The following RBM25 variants were observed in gnomAD, a reference collection of about 807,000 sequenced individuals.
RBM25 encodes RNA binding motif protein 25.
A neutral mutation model predicts 120.7 loss-of-function variants in RBM25; 19 were observed. The observed-to-expected ratio is 0.16, with a 90% confidence interval of 0.11 to 0.23. The LOEUF (loss-of-function observed/expected upper bound fraction) is 0.23. Among genes scored for constraint, RBM25 ranks in the 10% least tolerant of loss-of-function variants. RBM25 has a pLI of 1.00. For synonymous variants in RBM25, 390 were observed against 326.7 expected, an observed-to-expected ratio of 1.19 and a Z score of -2.09; for missense variants, 605 against 1,041.5, an observed-to-expected ratio of 0.58 and a Z score of 5.77.
Position 73,097,002 on chromosome 14 carries a change from A to G in RBM25, c.631A>G (p.Ile211Val), listed in dbSNP as rs779169270. The G allele has an allele frequency of 6.2e-6, 10 of 1,613,868 alleles. No homozygotes were observed. In the South Asian group the frequency reaches 6.6e-5, roughly 11 times the overall value. Reference sequence around the variant, plus strand: ...GAGAGATCAGATGATTAAAGGGGCTATTGAAGTTTTAATTCGTGAATACTC... The same window carrying G: ...GAGAGATCAGATGATTAAAGGGGCTGTTGAAGTTTTAATTCGTGAATACTC... Reference protein sequence around the residue: ...KRRDQMIKGAIEVLIREYSSE... With the variant: ...KRRDQMIKGAVEVLIREYSSE... The change falls in exon 7 of 19, where the codon ATT becomes GTT. Residue 211 changes from isoleucine (I) to valine (V), a missense_variant. Physicochemically the swap from Ile to Val is conservative, Grantham distance 29 (BLOSUM62 3). Coordinates refer to ENST00000261973, the MANE Select transcript of RBM25 (RefSeq NM_021239.3).
chr14:73,099,600 C>A, intron 8 of RBM25, 67 bp from the exon 9 acceptor site: 1 of 1,584,820 alleles, frequency 6.3e-7, no homozygotes, highest in Non-Finnish European at 8.5e-7. Context: ...GAATATCTAA[C>A]CTTTAACTGT....
intron 18 of RBM25, among the ~76,000 whole-genome samples, 165 bp downstream of exon 18, chr14:73,114,498 A>C (rs1387216639): frequency 6.6e-6 from 1 of 152,184 alleles, no homozygotes; most frequent in Non-Finnish European, 1.5e-5. Context: ...TTGAGATTAC[A>C]GGCATCAGCC....
intron 2 of RBM25, among the ~76,000 whole-genome samples, chr14:73,072,369 TA>T (rs1164090397): frequency 3.3e-5 from 5 of 152,142 alleles, no homozygotes; most frequent in Admixed American, 1.3e-4. Context: ...TTTCTTCATA[TA>T]CTCCCATAAC....
rs897685550 is a variant in RBM25, at chr14:73,120,093, TTTG to T, written c.*291_*293del. 3.8e-5 allele frequency: 9 copies of T among 239,160 alleles called. No homozygotes were observed. Among genetic ancestry groups the T allele is most frequent in the Admixed American group, 2.3e-4 (4 of 17,344 alleles). 14.8% of individuals were successfully genotyped at this position (239,160 alleles called of 1,614,324 possible). A position where few individuals can be genotyped will look rare whatever the true frequency, so the allele number is the denominator to read the frequency against. On this transcript the variant is annotated 3_prime_UTR_variant, in exon 19 of 19. Transcript: ENST00000261973. ...ATCTGATATAATCTTGTTCTGCTGA[TTTG>T]TTTCTTGTAAATATTAAAACGACTC...
intron 5 of RBM25, among the ~76,000 whole-genome samples, chr14:73,084,450 G>C (rs1348169599): frequency 6.6e-6 from 1 of 152,186 alleles, no homozygotes; most frequent in Non-Finnish European, 1.5e-5. Flanking sequence ...GCTGAATGCA[G>C]CTCCAGTACT....
intron 6 of RBM25, among the ~76,000 whole-genome samples, chr14:73,092,182 G>A (rs1895832328): frequency 2.7e-5 from 4 of 149,936 alleles, no homozygotes; most frequent in Admixed American, 1.4e-4. Context: ...TTAGAGATTT[G>A]CCATGATTTT....
intron 6 of RBM25, among the ~76,000 whole-genome samples, chr14:73,091,202 T>C (rs1396701969): frequency 1.3e-5 from 2 of 152,236 alleles, no homozygotes; most frequent in Non-Finnish European, 2.9e-5. Context: ...TGCACAATTA[T>C]GTGACTTCAC....
At chr14:73,071,334 G>A (rs1257932314) in intron 1 of RBM25, among the ~76,000 whole-genome samples, 3 of 151,346 alleles carry the variant, frequency 2.0e-5, no homozygotes, top group Non-Finnish European at 4.4e-5. Flanking sequence ...TTTATGTGTG[G>A]TATTTAATTT....
intron 15 of RBM25, 125 bp downstream of exon 15, chr14:73,111,280 G>A: frequency 1.1e-6 from 1 of 916,806 alleles, no homozygotes; most frequent in Non-Finnish European, 1.6e-6. Context: ...ACTAAAAAAT[G>A]CCTTTCTAGC....
rs547754134 is a variant in RBM25, at chr14:73,072,679, G to A, written c.106+932G>A. Among the ~76,000 whole-genome samples the A allele has an allele frequency of 2.6e-5, 4 of 152,282 alleles. No homozygotes were observed. In the South Asian group the frequency reaches 8.3e-4, roughly 32 times the overall value. On this transcript the variant is annotated intron_variant, in intron 2 of 18. Coordinates refer to ENST00000261973, the MANE Select transcript of RBM25 (RefSeq NM_021239.3). Reference sequence around the variant, plus strand: ...GTGAACATTGCTTATGCTGGGTGTGGTGGTGCGTGTCTGTTGTCTTGGCTA... The same window carrying A: ...GTGAACATTGCTTATGCTGGGTGTGATGGTGCGTGTCTGTTGTCTTGGCTA...
intron 10 of RBM25, among the ~76,000 whole-genome samples, chr14:73,105,126 CTTTTT>C (rs34862161): frequency 1.8e-5 from 2 of 109,564 alleles, no homozygotes; most frequent in African/African-American, 7.5e-5. Context: ...GGTTTTATTA[CTTTTT>C]TTTTTTTTTT....
At position 73,119,960 on chromosome 14, in the gene RBM25, C is replaced by A; in HGVS notation, c.*155C>A. ...TTTGGTCCTCTAATTTGTTGTTGCC[C>A]TGTGTACTCCCTTGGTTGTAAAGTC... On this transcript the variant is annotated 3_prime_UTR_variant, in exon 19 of 19. Transcript: ENST00000261973. 9.1e-7 allele frequency: 1 copy of A among 1,102,908 alleles called. No homozygotes were observed. Among genetic ancestry groups the A allele is most frequent in the South Asian group, 1.7e-5 (1 of 57,568 alleles). The allele number at this position is 1,102,908 out of a possible 1,614,324, so 68.3% of individuals were successfully genotyped here.
At chr14:73,078,731 A>G (rs774005057) in intron 4 of RBM25, among the ~76,000 whole-genome samples, 4 of 152,088 alleles carry the variant, frequency 2.6e-5, no homozygotes, top group Non-Finnish European at 5.9e-5. Flanking sequence ...CAGCCTCCCT[A>G]GTAGCTGGGA....
chr14:73,070,808 G>A (rs886630372), intron 1 of RBM25, among the ~76,000 whole-genome samples: 4 of 151,874 alleles, frequency 2.6e-5, no homozygotes, highest in South Asian at 4.1e-4. Flanking sequence ...TTAGCTGGGC[G>A]TGGTGGCGCG....
intron 5 of RBM25, among the ~76,000 whole-genome samples, chr14:73,087,460 A>C (rs1449202423): frequency 6.9e-6 from 1 of 144,428 alleles, no homozygotes. Flanking sequence ...CAGTGGCGCT[A>C]TCTCGGCTCA....
At chr14:73,085,619 G>T (rs935128907) in intron 5 of RBM25, among the ~76,000 whole-genome samples, 3 of 151,456 alleles carry the variant, frequency 2.0e-5, no homozygotes, top group Admixed American at 6.6e-5. Context: ...TAATTTTTTG[G>T]TTTTTTTAAT....
intron 6 of RBM25, 37 bp downstream of exon 6, chr14:73,088,198 CTG>C (rs768259653): frequency 2.0e-5 from 32 of 1,609,662 alleles, no homozygotes; most frequent in East Asian, 1.8e-4. Context: ...CTAGGCCAGA[CTG>C]TGCTATTTCA....
chr14:73,105,830 A>G (rs1483999647), intron 10 of RBM25, 29 bp from the exon 11 acceptor site: 2 of 1,596,444 alleles, frequency 1.3e-6, no homozygotes, highest in South Asian at 1.1e-5. Flanking sequence ...GTAGACTGAC[A>G]GATTTGTAAA....
chr14:73,067,403 C>T (rs1311245933), intron 1 of RBM25, among the ~76,000 whole-genome samples: 1 of 151,834 alleles, frequency 6.6e-6, no homozygotes, highest in Non-Finnish European at 1.5e-5. Flanking sequence ...TAATTTACTG[C>T]ATTATTATTA....
Sources: allele counts gnomAD v4.1 joint callset (sites outside exome capture counted in the v4.1 genomes callset), GRCh38; gene constraint gnomAD v4.1.1; transcripts MANE v1.5; gene names NCBI Gene and HGNC (gene_info 2026-07-23, HGNC 2026-07-21).